Variants in CREB5 observed in about 807,000 individuals in gnomAD.
CREB5 encodes cAMP responsive element binding protein 5.
Under a neutral mutation model 57.1 loss-of-function variants are expected in CREB5, and 19 were observed. The observed-to-expected ratio is 0.33, with a 90% CI of 0.23 to 0.49. The LOEUF is 0.49. CREB5 is among the 20% of genes least tolerant of loss of function. The pLI is 0.99. For missense variants in CREB5, 579 were observed against 671.6 expected (o/e 0.86, Z 1.52); for synonymous variants, 238 against 238.3 (o/e 1.00, Z 0.01).
At position 28,695,272 on chromosome 7, in the gene CREB5, A is replaced by G. The variant is rs549818939; in HGVS notation, c.465-23481A>G. Among the ~76,000 whole-genome samples the G allele has an allele frequency of 2.0e-4, 30 of 152,282 alleles. No individual in the cohort carries two copies. In the South Asian group the frequency reaches 5.8e-3, roughly 29 times the overall value. On this transcript the variant is annotated intron_variant, in intron 5 of 10. Transcript: ENST00000357727. ...CCAAAAATGTGAAGAGAGTTATTCTATATCATAAAACCATTGGTGTCAGTG... is the reference window on the plus strand; with the variant it reads ...CCAAAAATGTGAAGAGAGTTATTCTGTATCATAAAACCATTGGTGTCAGTG...
chr7:28,818,717 G>T, intron 10 of CREB5: 1 of 459,966 alleles, frequency 2.2e-6, no homozygotes, highest in South Asian at 1.6e-5. Flanking sequence ...GGAGGAGCAG[G>T]GATTCATGGC....
At chr7:28,610,888 C>CATGT (rs763059916) in intron 5 of CREB5, among the ~76,000 whole-genome samples, 13 of 147,760 alleles carry the variant, frequency 8.8e-5, no homozygotes, top group South Asian at 2.2e-4. Context: ...CGTGTGTGTG[C>CATGT]GTGTGTGTGT....
At chr7:28,539,350 T>A (rs1794107114) in intron 4 of CREB5, among the ~76,000 whole-genome samples, 1 of 152,200 alleles carries the variant, frequency 6.6e-6, no homozygotes, top group South Asian at 2.1e-4. Context: ...GGCTGTCTGC[T>A]CTTACTTGCT....
chr7:28,555,679 G>C (rs1264304369), intron 4 of CREB5, among the ~76,000 whole-genome samples: 1 of 151,878 alleles, frequency 6.6e-6, no homozygotes, highest in Non-Finnish European at 1.5e-5. Context: ...AAAAAAAACA[G>C]GCAAACAAAC....
intron 4 of CREB5, among the ~76,000 whole-genome samples, chr7:28,551,723 G>C (rs1227520790): frequency 6.6e-6 from 1 of 152,122 alleles, no homozygotes; most frequent in East Asian, 1.9e-4. Context: ...AGAACTCACT[G>C]TCTCAGGCCT....
At chr7:28,819,023 T>G (rs1809604501) in intron 10 of CREB5, 93 bp from the exon 11 acceptor site, 2 of 1,341,348 alleles carry the variant, frequency 1.5e-6, no homozygotes, top group Admixed American at 2.3e-5. Context: ...AAATATCTAG[T>G]ACAGTTTCTC....
At chr7:28,559,557 C>A (rs1004332993) in intron 4 of CREB5, among the ~76,000 whole-genome samples, 1 of 148,158 alleles carries the variant, frequency 6.7e-6, no homozygotes, top group African/African-American at 2.4e-5. Context: ...TCAGGCAATC[C>A]GCCCGCCTCA....
chr7:28,354,672 C>G (rs1222482190), intron 1 of CREB5, among the ~76,000 whole-genome samples: 2 of 152,236 alleles, frequency 1.3e-5, no homozygotes, highest in Non-Finnish European at 2.9e-5. Context: ...GTGCCAGACT[C>G]TGTTGGTTGA....
At chr7:28,303,831 A>G (rs1049913956) in intron 1 of CREB5, among the ~76,000 whole-genome samples, 2 of 152,208 alleles carry the variant, frequency 1.3e-5, no homozygotes, top group African/African-American at 4.8e-5. Flanking sequence ...ATTTTATAGT[A>G]TTTTTTGCAC....
At position 28,650,179 on chromosome 7, in the gene CREB5, G is replaced by A. The variant is rs143193230; in HGVS notation, c.465-68574G>A. Among the ~76,000 whole-genome samples, 289 of 152,272 alleles carry A rather than the reference G, an allele frequency of 1.9e-3. 4 individuals carry two copies. The highest frequency in any genetic ancestry group is 6.5e-3 in the African/African-American group (270 of 41,536). ...TTTGAAAAATTCTGTGTCCAGAATA[G>A]AGAAATGGAAAGGGTAATATTTGTT... On this transcript the variant is annotated intron_variant, in intron 5 of 10. Transcript: ENST00000357727.
intron 5 of CREB5, among the ~76,000 whole-genome samples, chr7:28,587,923 A>T (rs1426626082): frequency 6.6e-6 from 1 of 152,062 alleles, no homozygotes; most frequent in African/African-American, 2.4e-5. Flanking sequence ...CTGCTTTTCT[A>T]CCACCTGGTT....
chr7:28,586,092 CTATTTT>C (rs1796296199), intron 5 of CREB5, among the ~76,000 whole-genome samples: 1 of 152,134 alleles, frequency 6.6e-6, no homozygotes. Context: ...GATTCCCTTA[CTATTTT>C]TAATAAGCCA....
chr7:28,606,511 C>A (rs1797136744), intron 5 of CREB5, among the ~76,000 whole-genome samples: 1 of 152,162 alleles, frequency 6.6e-6, no homozygotes, highest in Non-Finnish European at 1.5e-5. Context: ...GGGAATAGGG[C>A]CCTCAGCAGT....
intron 5 of CREB5, among the ~76,000 whole-genome samples, chr7:28,714,053 A>C (rs1802546273): frequency 6.7e-6 from 1 of 150,046 alleles, no homozygotes; most frequent in Non-Finnish European, 1.5e-5. Flanking sequence ...ATCTCGGCTC[A>C]CTGCCACCTC....
chr7:28,739,719 T>G (rs1012316259), intron 7 of CREB5, among the ~76,000 whole-genome samples: 2 of 152,210 alleles, frequency 1.3e-5, no homozygotes, highest in Admixed American at 6.5e-5. Context: ...AGGCTCAGGC[T>G]AGGCTTCATT....
At chr7:28,627,279 G>A (rs751241546) in intron 5 of CREB5, among the ~76,000 whole-genome samples, 10 of 152,208 alleles carry the variant, frequency 6.6e-5, no homozygotes, top group African/African-American at 2.4e-4. Context: ...AGATCACCTC[G>A]AATTTTCAAG....
intron 5 of CREB5, among the ~76,000 whole-genome samples, chr7:28,669,979 C>T (rs1799965332): frequency 6.6e-6 from 1 of 152,178 alleles, no homozygotes; most frequent in Non-Finnish European, 1.5e-5. Context: ...TGTCACTATC[C>T]CCTTTGACCG....
At chr7:28,507,932 T>C (rs1307071959) in intron 4 of CREB5, among the ~76,000 whole-genome samples, 195 bp downstream of exon 4, 3 of 152,250 alleles carry the variant, frequency 2.0e-5, no homozygotes, top group Admixed American at 1.3e-4. Context: ...ATCAAAAATT[T>C]AGTCAAACTT....
At chr7:28,637,867 C>T (rs182316674) in intron 5 of CREB5, among the ~76,000 whole-genome samples, 32 of 152,182 alleles carry the variant, frequency 2.1e-4, no homozygotes, top group Admixed American at 5.2e-4. Context: ...TCCAACAATA[C>T]TTGGTTAATA....
Sources: gnomAD v4.1 joint callset for allele counts (sites outside exome capture counted in the v4.1 genomes callset) on GRCh38, gnomAD v4.1.1 for gene constraint, MANE v1.5 for transcripts, NCBI Gene and HGNC (gene_info 2026-07-23, HGNC 2026-07-21) for gene names.